GRM5: variants seen among roughly 807,000 people sequenced by gnomAD.
GRM5 encodes glutamate metabotropic receptor 5, also known as metabotropic glutamate receptor 5.
GRM5 carries 19 observed loss-of-function variants against 83.1 expected under a neutral mutation model. The ratio of observed to expected loss-of-function variants is 0.23; its 90% CI spans 0.16 to 0.34. GRM5 has a LOEUF of 0.34. Among genes scored for constraint, GRM5 ranks in the 10% least tolerant of loss-of-function variants. The pLI is 1.00. For synonymous variants in GRM5, 675 were observed against 633.6 expected (o/e 1.07, Z -0.98); for missense variants, 1,160 against 1,588.3 (o/e 0.73, Z 4.58).
chr11:88,824,850 C>T (rs1943867213), intron 3 of GRM5, among the ~76,000 whole-genome samples: 1 of 152,086 alleles, frequency 6.6e-6, no homozygotes, highest in South Asian at 2.1e-4. Context: ...GACGGGTATG[C>T]ATATGTATAT....
At chr11:88,850,503 C>T (rs1381496310) in intron 2 of GRM5, among the ~76,000 whole-genome samples, 1 of 151,688 alleles carries the variant, frequency 6.6e-6, no homozygotes, top group Non-Finnish European at 1.5e-5. Flanking sequence ...ATCTCACTTC[C>T]CTTTACTTCT....
chr11:88,592,889 C>A (rs536735643), intron 6 of GRM5, among the ~76,000 whole-genome samples: 84 of 152,250 alleles, frequency 5.5e-4, no homozygotes, highest in African/African-American at 2.0e-3. Flanking sequence ...TCTTGGCTCA[C>A]GGCAGCCTTG....
Position 88,545,655 on chromosome 11 carries a change from G to A in GRM5, c.2631-20251C>T, listed in dbSNP as rs960661773. Among the ~76,000 whole-genome samples the A allele has an allele frequency of 9.2e-5, 14 of 151,872 alleles. No homozygotes were observed. The East Asian group carries it at 9.7e-4, about 10-fold the overall frequency. Reference sequence around the variant, plus strand: ...TTTAAGTATTCTCTTTTCTTTATACGCAACATTCAATCAGTTATTAAGTTT... The same window carrying A: ...TTTAAGTATTCTCTTTTCTTTATACACAACATTCAATCAGTTATTAAGTTT... On this transcript the variant is annotated intron_variant, in intron 8 of 9. Coordinates refer to ENST00000305447, the MANE Select transcript of GRM5 (RefSeq NM_001143831.3).
rs1318775989 is a variant in GRM5 at position 88,820,260 on chromosome 11, C to A, written c.911+29646G>T. On this transcript the variant is annotated intron_variant, in intron 3 of 9. Coordinates refer to ENST00000305447, the MANE Select transcript of GRM5 (RefSeq NM_001143831.3). ...AAAATTAGCTGGGCTTGGTGGCGCA[C>A]ACCTGTAATCCAAGCTACTCAGGAG... 4.0e-5 allele frequency among the ~76,000 whole-genome samples: 6 copies of A among 149,818 alleles called. No homozygotes were observed. In the East Asian group the frequency reaches 1.2e-3, roughly 30 times the overall value.
chr11:88,929,528 A>G (rs1475101921), intron 2 of GRM5, among the ~76,000 whole-genome samples: 3 of 152,138 alleles, frequency 2.0e-5, no homozygotes. Context: ...TGTTCAGTCT[A>G]ATGGCCTATT....
At chr11:88,671,423 C>A (rs551120831) in intron 3 of GRM5, among the ~76,000 whole-genome samples, 2 of 152,256 alleles carry the variant, frequency 1.3e-5, no homozygotes, top group Admixed American at 1.3e-4. Flanking sequence ...GTAAACCTGT[C>A]TTTAACTGCC....
chr11:88,801,897 G>A (rs1039956959), intron 3 of GRM5, among the ~76,000 whole-genome samples: 5 of 152,090 alleles, frequency 3.3e-5, no homozygotes, highest in African/African-American at 9.7e-5. Context: ...AGAGAATTTA[G>A]TATGCTGAGC....
chr11:88,909,279 G>A (rs374676972), intron 2 of GRM5, among the ~76,000 whole-genome samples: 22 of 151,882 alleles, frequency 1.4e-4, no homozygotes, highest in Admixed American at 3.9e-4. Flanking sequence ...AAAACTTATC[G>A]TACATGTAGT....
intron 2 of GRM5, among the ~76,000 whole-genome samples, chr11:88,959,053 C>T (rs1188873266): frequency 6.6e-6 from 1 of 151,980 alleles, no homozygotes; most frequent in Non-Finnish European, 1.5e-5. Context: ...ATCATATATT[C>T]ATAAGAGAAT....
intron 4 of GRM5, among the ~76,000 whole-genome samples, chr11:88,652,372 T>C (rs993586458): frequency 2.6e-5 from 4 of 152,170 alleles, no homozygotes; most frequent in African/African-American, 9.6e-5. Context: ...ATAGATAAAG[T>C]ATATGCTGGC....
intron 2 of GRM5, among the ~76,000 whole-genome samples, chr11:88,995,792 A>C (rs1940167372): frequency 6.6e-6 from 1 of 152,104 alleles, no homozygotes; most frequent in Non-Finnish European, 1.5e-5. Flanking sequence ...TGTGAAGGGT[A>C]CCCAGCAAAA....
chr11:88,997,509 T>A (rs188298122), intron 2 of GRM5, among the ~76,000 whole-genome samples: 23 of 151,734 alleles, frequency 1.5e-4, no homozygotes, highest in African/African-American at 5.3e-4. Flanking sequence ...TTACTTCATT[T>A]AAAAAAATCA....
chr11:88,508,664 G>A lies in GRM5; in HGVS notation c.3567C>T (p.Leu1189=). 6.2e-7 allele frequency: 1 copy of A among 1,610,060 alleles called. No homozygotes were observed. The highest frequency in any genetic ancestry group is 8.5e-7 in the Non-Finnish European group (1 of 1,178,264). ...CATATTTGGGAGACGACGGGATACAGAGGGCCGACTCGGACACTGGCGAGT... is the reference window on the plus strand; with the variant it reads ...CATATTTGGGAGACGACGGGATACAAAGGGCCGACTCGGACACTGGCGAGT... The part of the protein sequence containing the change: ...TPNSPVSESA[L]CIPSSPKYDT... The change falls in exon 10 of 10, where the codon CTC becomes CTT. Residue 1189 remains leucine (L), a synonymous_variant. Coordinates refer to ENST00000305447, the MANE Select transcript of GRM5 (RefSeq NM_001143831.3). The surrounding 1 kb of genome is among the most constrained non-coding windows in gnomAD (Gnocchi z 4.2).
At chr11:89,042,856 T>A (rs1304427174) in intron 2 of GRM5, among the ~76,000 whole-genome samples, 1 of 146,808 alleles carries the variant, frequency 6.8e-6, no homozygotes, top group East Asian at 1.9e-4. Flanking sequence ...AATTGCAATC[T>A]CTAGGTTAAC....
chr11:88,541,742 A>G (rs913264351), intron 8 of GRM5, among the ~76,000 whole-genome samples: 1 of 152,082 alleles, frequency 6.6e-6, no homozygotes, highest in Non-Finnish European at 1.5e-5. Context: ...TTGATGTTTT[A>G]TGTAGATTTT....
chr11:89,064,888 C>CTCTCTCTCTCTGTGTGTG (rs1218318990), intron 1 of GRM5, among the ~76,000 whole-genome samples: 1 of 62,268 alleles, frequency 1.6e-5, no homozygotes, highest in African/African-American at 6.9e-5. Flanking sequence ...CTCTCTCTCT[C>CTCTCTCTCTCTGTGTGTG]TGTGTGTGTG....
intron 3 of GRM5, among the ~76,000 whole-genome samples, chr11:88,820,373 T>TAAAA (rs1943767524): frequency 1.2e-4 from 3 of 24,252 alleles, no homozygotes; most frequent in Admixed American, 6.7e-4. Flanking sequence ...AAACTCCATC[T>TAAAA]CAAAAAAAAA....
At chr11:88,648,435 T>C (rs1939525961) in intron 4 of GRM5, among the ~76,000 whole-genome samples, 1 of 128,476 alleles carries the variant, frequency 7.8e-6, no homozygotes, top group Non-Finnish European at 1.6e-5. Context: ...TTCTCACTCA[T>C]AGGTGGGAAT....
At chr11:88,784,213 A>G (rs1380938374) in intron 3 of GRM5, among the ~76,000 whole-genome samples, 1 of 152,076 alleles carries the variant, frequency 6.6e-6, no homozygotes, top group African/African-American at 2.4e-5. Context: ...GCAGCCTCAT[A>G]TTCTGCTGAG....
Sources: allele counts gnomAD v4.1 joint callset (sites outside exome capture counted in the v4.1 genomes callset), GRCh38; gene constraint gnomAD v4.1.1; non-coding constraint Gnocchi (gnomAD v3.1); transcripts MANE v1.5; gene names NCBI Gene and HGNC (gene_info 2026-07-23, HGNC 2026-07-21).